Variants in WWC1 observed in about 807,000 individuals in gnomAD.
WWC1 encodes the protein protein KIBRA.
WWC1 carries 55 observed loss-of-function variants against 138.4 expected under a neutral mutation model. The observed-to-expected ratio is 0.40, with a 90% CI of 0.32 to 0.50. The LOEUF (loss-of-function observed/expected upper bound fraction) is 0.50. Ranked by LOEUF, WWC1 falls within the 20% of genes least tolerant of loss-of-function variation. The pLI, the probability that WWC1 is intolerant of heterozygous loss-of-function variation, is 0.72. For missense variants in WWC1, 1,226 were observed against 1,420.4 expected, an observed-to-expected ratio of 0.86 and a Z score of 2.20; for synonymous variants, 524 against 564.9, an observed-to-expected ratio of 0.93 and a Z score of 1.03.
intron 3 of WWC1, among the ~76,000 whole-genome samples, chr5:168,389,003 A>C (rs1298516517): frequency 6.6e-6 from 1 of 152,178 alleles, no homozygotes; most frequent in Non-Finnish European, 1.5e-5. Flanking sequence ...TGGCAAGAAG[A>C]AGCATGGGAA....
chr5:168,373,935 G>T (rs962291892), intron 2 of WWC1, among the ~76,000 whole-genome samples: 1 of 150,694 alleles, frequency 6.6e-6, no homozygotes, highest in Non-Finnish European at 1.5e-5. Flanking sequence ...AATCCCAGCT[G>T]CTCAGGAGGC....
At position 168,354,777 on chromosome 5, in the gene WWC1, G is replaced by T. The variant is rs185666702; in HGVS notation, c.120-16647G>T. Among the ~76,000 whole-genome samples, 117 of 152,268 alleles carry T rather than the reference G, an allele frequency of 7.7e-4. 1 individual carries two copies. Among genetic ancestry groups the T allele is most frequent in the Non-Finnish European group, 1.1e-3 (77 of 68,022 alleles). On this transcript the variant is annotated intron_variant, in intron 1 of 22. Coordinates refer to ENST00000265293, the MANE Select transcript of WWC1 (RefSeq NM_015238.3). ...TCTTTGGTCATTTCCAGTTTGCTGTGGGGTGTGTAGAGAGCATTGAGCTTC... is the reference window on the plus strand; with the variant it reads ...TCTTTGGTCATTTCCAGTTTGCTGTTGGGTGTGTAGAGAGCATTGAGCTTC...
At chr5:168,349,839 C>T (rs1434034498) in intron 1 of WWC1, among the ~76,000 whole-genome samples, 1 of 152,142 alleles carries the variant, frequency 6.6e-6, no homozygotes, top group Non-Finnish European at 1.5e-5. Flanking sequence ...CCACCAACCC[C>T]AGTTCTGTGA....
chr5:168,431,448 AG>A lies in WWC1; in HGVS notation c.2280+7del, dbSNP rs754059270. 6.3e-7 allele frequency: 1 copy of A among 1,596,674 alleles called. No homozygotes were observed. Among genetic ancestry groups the A allele is most frequent in the Non-Finnish European group, 8.5e-7 (1 of 1,175,910 alleles). On this transcript the variant is annotated splice_donor_5th_base_variant and intron_variant, in intron 15 of 22. Coordinates refer to ENST00000265293, the MANE Select transcript of WWC1 (RefSeq NM_015238.3). Reference sequence around the variant, plus strand: ...GAGCCATCTGGAAGAGTGCCTGGTAAGGGCCGTGTCTGGCTGGCTGGCTGGC... The same window carrying A: ...GAGCCATCTGGAAGAGTGCCTGGTAAGGCCGTGTCTGGCTGGCTGGCTGGC...
chr5:168,408,762 T>G, intron 7 of WWC1, 109 bp downstream of exon 7: 2 of 1,450,190 alleles, frequency 1.4e-6, no homozygotes, highest in African/African-American at 1.4e-5. Context: ...GGCCAGGGGT[T>G]CTCTGCAGGG....
In WWC1 at chr5:168,467,916, G is replaced by A. The variant is rs199660129; in HGVS notation, c.3227G>A (p.Arg1076Lys). The A allele has an allele frequency of 3.1e-4, 504 of 1,614,254 alleles. 1 individual carries two copies. The highest frequency in any genetic ancestry group is 2.5e-4 in the Non-Finnish European group (299 of 1,180,042). ...MMRAAAKDVH[R>K]LRGQSCKEPP... is the part of the protein sequence containing the mutation. ...AGGGCAGCTGCCAAGGATGTGCACA[G>A]GCTCCGAGGCCAGAGCTGTAAGGAA... The change falls in exon 22 of 23, where the codon AGG becomes AAG. Residue 1076 changes from arginine (R) to lysine (K), a missense_variant. Transcript: ENST00000265293.
At chr5:168,340,728 T>C (rs1695483762) in intron 1 of WWC1, among the ~76,000 whole-genome samples, 1 of 152,266 alleles carries the variant, frequency 6.6e-6, no homozygotes, top group Admixed American at 6.5e-5. Flanking sequence ...TGTTTATCCA[T>C]TCATCAGTTT....
At chr5:168,328,101 G>A (rs1772713919) in intron 1 of WWC1, among the ~76,000 whole-genome samples, 1 of 152,192 alleles carries the variant, frequency 6.6e-6, no homozygotes, top group African/African-American at 2.4e-5. Context: ...TCACAATTTA[G>A]GAGTCCAAGT....
chr5:168,454,075 A>G lies in WWC1; in HGVS notation c.2633A>G (p.Asp878Gly), dbSNP rs142119378. 12 of 1,613,360 alleles carry G rather than the reference A, an allele frequency of 7.4e-6. No individual in the cohort carries two copies. The highest frequency in any genetic ancestry group is 9.3e-6 in the Non-Finnish European group (11 of 1,179,938). ...EDVFTEKASP[D>G]MDGYPALKVD... ...GTTTTCACCGAGAAAGCCTCACCTG[A>G]TATGGATGGGTACCCAGCATTAAAG... Residue 878 changes from aspartate to glycine, a missense_variant, in exon 18 of 23, where the codon GAT (aspartate) becomes GGT (glycine). By Grantham distance (94) the Asp-to-Gly change is moderately conservative. Around this residue, in one of 3 missense-constraint regions of WWC1, gnomAD observed 1,016 missense variants for 1,153.9 expected, o/e 0.88. Transcript: ENST00000265293.
chr5:168,359,033 GGTGTGTGT>G (rs58992917), intron 1 of WWC1, among the ~76,000 whole-genome samples: 16,151 of 148,138 alleles, frequency 0.11, 1,148 homozygotes, highest in East Asian at 0.18. Flanking sequence ...GTGGTGGTGG[GGTGTGTGT>G]GTGTGTGTGT....
rs142318173 is a variant in WWC1 at position 168,334,699 on chromosome 5, G to C, written c.120-36725G>C. Among the ~76,000 whole-genome samples, 429 of 152,360 alleles carry C rather than the reference G, an allele frequency of 2.8e-3. 2 individuals are homozygous for C. Among genetic ancestry groups the C allele is most frequent in the Admixed American group, 7.1e-3 (109 of 15,304 alleles). ...TTTACCACAAAACTGTATCCTCAGT[G>C]CCTGGCTCTAGTGAGTTCTGAACAT... On this transcript the variant is annotated intron_variant, in intron 1 of 22. Coordinates refer to ENST00000265293, the MANE Select transcript of WWC1 (RefSeq NM_015238.3).
At chr5:168,307,576 G>A (rs930016297) in intron 1 of WWC1, among the ~76,000 whole-genome samples, 2 of 149,692 alleles carry the variant, frequency 1.3e-5, no homozygotes, top group African/African-American at 2.5e-5. Context: ...CTGTGGTGGC[G>A]ATCAACATCT....
chr5:168,431,489 G>A (rs1215631588), intron 15 of WWC1, 45 bp downstream of exon 15: 1 of 1,554,216 alleles, frequency 6.4e-7, no homozygotes. Flanking sequence ...TGGCTGGCTG[G>A]CTGGCTGGCT....
In WWC1 at chr5:168,326,216, CTTTTTTTT is replaced by C. The variant is rs796347858; in HGVS notation, c.119+33956_119+33963del. Among the ~76,000 whole-genome samples, 5 of 113,286 alleles carry C rather than the reference CTTTTTTTT, an allele frequency of 4.4e-5. No individual in the cohort carries two copies. In the East Asian group the frequency reaches 7.3e-4, roughly 17 times the overall value. The allele number at this position is 113,286 out of a possible 152,430, so 74.3% of individuals were successfully genotyped here. A position where few individuals can be genotyped will look rare whatever the true frequency, so the allele number is the denominator to read the frequency against. ...TGGCTCAGGACACCGACCTGATAGTCTTTTTTTTTTTTTTTTTTGGGACGGAGTTTTGC... is the reference window on the plus strand; with the variant it reads ...TGGCTCAGGACACCGACCTGATAGTCTTTTTTTTTTGGGACGGAGTTTTGC... On this transcript the variant is annotated intron_variant, in intron 1 of 22. Transcript: ENST00000265293.
chr5:168,417,874 TG>T (rs1780777399), intron 9 of WWC1, among the ~76,000 whole-genome samples: 1 of 152,184 alleles, frequency 6.6e-6, no homozygotes, highest in Admixed American at 6.5e-5. Context: ...CTCATGGCTG[TG>T]GGTCTCCCAC....
intron 1 of WWC1, among the ~76,000 whole-genome samples, chr5:168,348,968 C>T (rs1774705899): frequency 6.6e-6 from 1 of 152,126 alleles, no homozygotes; most frequent in African/African-American, 2.4e-5. Context: ...ATCCTATAAA[C>T]CTCCCCACAG....
At chr5:168,464,199 C>G (rs1757050946) in intron 20 of WWC1, among the ~76,000 whole-genome samples, 1 of 152,064 alleles carries the variant, frequency 6.6e-6, no homozygotes, top group Non-Finnish European at 1.5e-5. Flanking sequence ...ACAATAGGGG[C>G]CCATTACAGG....
intron 1 of WWC1, among the ~76,000 whole-genome samples, chr5:168,331,291 A>G: frequency 6.6e-6 from 1 of 152,228 alleles, no homozygotes; most frequent in African/African-American, 2.4e-5. Context: ...TGGAGTTAAA[A>G]GTATACACTC....
chr5:168,348,618 G>T (rs947009288), intron 1 of WWC1, among the ~76,000 whole-genome samples: 1 of 152,172 alleles, frequency 6.6e-6, no homozygotes, highest in Non-Finnish European at 1.5e-5. Context: ...TCACAAACAA[G>T]GACTTCTCCA....
Sources: gnomAD v4.1 joint callset for allele counts (sites outside exome capture counted in the v4.1 genomes callset) on GRCh38, gnomAD v4.1.1 for gene constraint, gnomAD v4.1.1 regional missense constraint, MANE v1.5 for transcripts, NCBI Gene and HGNC (gene_info 2026-07-23, HGNC 2026-07-21) for gene names.